The following MMD2 variants were observed in gnomAD, a reference collection of about 807,000 sequenced individuals.
MMD2 encodes monocyte to macrophage differentiation associated 2, also known as monocyte to macrophage differentiation factor 2.
Under a neutral mutation model 33.5 loss-of-function variants are expected in MMD2, and 30 were observed. The observed-to-expected ratio is 0.90, with a 90% CI of 0.67 to 1.22. The LOEUF (loss-of-function observed/expected upper bound fraction) is 1.22. Among genes scored for constraint, MMD2 ranks in the 50% most tolerant of loss-of-function variants. The pLI, the probability that MMD2 is intolerant of heterozygous loss-of-function variation, is 0.00. For synonymous variants in MMD2, 129 were observed against 123.0 expected, an observed-to-expected ratio of 1.05 and a Z score of -0.32; for missense variants, 364 against 325.4, an observed-to-expected ratio of 1.12 and a Z score of -0.91.
chr7:4,932,001 A>G (rs748700009), intron 1 of MMD2, among the ~76,000 whole-genome samples: 2 of 152,190 alleles, frequency 1.3e-5, no homozygotes, highest in African/African-American at 4.8e-5. Flanking sequence ...AAGGTGGGAA[A>G]CCTATTCTCC....
At chr7:4,909,680 C>A (rs749229244) in intron 6 of MMD2, 4 of 760,556 alleles carry the variant, frequency 5.3e-6, no homozygotes, top group Non-Finnish European at 9.3e-6. Context: ...AAACTATCCT[C>A]CCACCTCAGC....
chr7:4,945,722 G>T (rs1475701450), intron 1 of MMD2, among the ~76,000 whole-genome samples: 1 of 152,090 alleles, frequency 6.6e-6, no homozygotes. Flanking sequence ...TTACAGGTGT[G>T]CACCAACACA....
At chr7:4,925,201 A>T (rs1785391028) in intron 2 of MMD2, among the ~76,000 whole-genome samples, 1 of 151,982 alleles carries the variant, frequency 6.6e-6, no homozygotes, top group Non-Finnish European at 1.5e-5. Flanking sequence ...AAAGTGCTGG[A>T]ATTATAGGCA....
rs568364718 is a variant in MMD2 at position 4,911,769 on chromosome 7, C to T, written c.366-523G>A. Among the ~76,000 whole-genome samples, 14 of 152,168 alleles carry T rather than the reference C, an allele frequency of 9.2e-5. No homozygotes were observed. The South Asian group carries it at 2.5e-3, about 27-fold the overall frequency. ...GTTCAAGCGATTCTCCTGCCTCAGC[C>T]TCCTGAGTAGCTGGGATTACAGGCA... On this transcript the variant is annotated intron_variant, in intron 4 of 6. Coordinates refer to ENST00000401401, the MANE Select transcript of MMD2 (RefSeq NM_198403.4).
At chr7:4,910,054 AGT>A (rs776609720) in intron 5 of MMD2, 104 bp from the exon 6 acceptor site, 22 of 1,610,582 alleles carry the variant, frequency 1.4e-5, no homozygotes, top group Non-Finnish European at 1.9e-5. Flanking sequence ...TGGCCAGAAC[AGT>A]GAGAAGAAAG....
intron 1 of MMD2, among the ~76,000 whole-genome samples, chr7:4,952,481 G>A (rs1049959728): frequency 6.6e-6 from 1 of 152,180 alleles, no homozygotes. Context: ...GGCATAGGCC[G>A]GGCGGCCACT....
In MMD2 at chr7:4,925,473, G is replaced by A. The variant is rs778116678; in HGVS notation, c.107C>T (p.Ala36Val). The A allele has an allele frequency of 3.4e-5, 53 of 1,564,000 alleles. No individual in the cohort carries two copies. The Admixed American group carries it at 5.6e-4, about 16-fold the overall frequency. The change falls in exon 2 of 7, where the codon GCG (alanine) becomes GTG (valine). Residue 36 changes from alanine (A) to valine (V), a missense_variant. Transcript: ENST00000401401. ...CACAGCATGGGTGGCACAGTTGGCCGCATGTTCATACTCTGTGGGCTGGTA... is the reference window on the plus strand; with the variant it reads ...CACAGCATGGGTGGCACAGTTGGCCACATGTTCATACTCTGTGGGCTGGTA... ...KRYQPTEYEH[A>V]ANCATHAFWI...
chr7:4,922,328 G>C (rs1785308530), intron 2 of MMD2, among the ~76,000 whole-genome samples: 1 of 152,070 alleles, frequency 6.6e-6, no homozygotes, highest in Non-Finnish European at 1.5e-5. Flanking sequence ...CCAGCACTTT[G>C]GGAGGCTGAA....
intron 2 of MMD2, among the ~76,000 whole-genome samples, chr7:4,920,688 TCCTCCCTCCCTCCCTC>T (rs138036120): frequency 3.4e-5 from 3 of 87,806 alleles, no homozygotes; most frequent in South Asian, 5.1e-4. Context: ...CCTCCCTCTC[TCCTCCCTCCCTCCCTC>T]CCTCCCTCCC....
intron 1 of MMD2, among the ~76,000 whole-genome samples, chr7:4,947,268 C>T (rs1200687287): frequency 6.6e-6 from 1 of 152,026 alleles, no homozygotes; most frequent in Admixed American, 6.6e-5. Flanking sequence ...GCAGGCTGTA[C>T]AGGAAGCATG....
chr7:4,930,549 C>T (rs1785553224), intron 1 of MMD2, among the ~76,000 whole-genome samples: 2 of 151,238 alleles, frequency 1.3e-5, no homozygotes, highest in Admixed American at 1.3e-4. Context: ...GAGGCTGAGG[C>T]AGGAGAATCG....
intron 1 of MMD2, among the ~76,000 whole-genome samples, chr7:4,933,374 T>C (rs1228146385): frequency 6.6e-6 from 1 of 152,094 alleles, no homozygotes; most frequent in East Asian, 1.9e-4. Context: ...TAAAACAAAA[T>C]GTATTGAAGG....
In MMD2 at chr7:4,946,079, GCACA is replaced by G. The variant is rs1786069688; in HGVS notation, c.47+12888_47+12891del. 6.6e-6 allele frequency among the ~76,000 whole-genome samples: 1 copy of G among 150,988 alleles called. No individual in the cohort carries two copies. The highest frequency in any genetic ancestry group is 6.6e-5 in the Admixed American group (1 of 15,124). On this transcript the variant is annotated intron_variant, in intron 1 of 6. Coordinates refer to ENST00000401401, the MANE Select transcript of MMD2 (RefSeq NM_198403.4). The surrounding 1 kb of genome is among the most constrained non-coding windows in gnomAD (Gnocchi z 5.0). ...GCAAAATGCACACACTCACACGCAC[GCACA>G]CGCACGCACACACACGCATGCACAC...
intron 1 of MMD2, among the ~76,000 whole-genome samples, chr7:4,931,876 A>G (rs1023238812): frequency 6.6e-6 from 1 of 152,104 alleles, no homozygotes; most frequent in Non-Finnish European, 1.5e-5. Context: ...CACAGTATTC[A>G]TTTAGAGAGA....
chr7:4,917,608 C>T (rs1475113582), intron 3 of MMD2, among the ~76,000 whole-genome samples: 1 of 151,854 alleles, frequency 6.6e-6, no homozygotes, highest in Non-Finnish European at 1.5e-5. Context: ...AGGAGAATGG[C>T]ATGAACCTGG....
chr7:4,912,386 G>A (rs888746375), intron 4 of MMD2, among the ~76,000 whole-genome samples: 4 of 151,664 alleles, frequency 2.6e-5, no homozygotes, highest in South Asian at 2.1e-4. Context: ...GTGAAACCCC[G>A]TCTCTACTAA....
At position 4,906,662 on chromosome 7, in the gene MMD2, C is replaced by T. The variant is rs777306259; in HGVS notation, c.*734G>A. The T allele has an allele frequency of 2.8e-5, 11 of 397,546 alleles. No homozygotes were observed. Among genetic ancestry groups the T allele is most frequent in the Non-Finnish European group, 4.4e-5 (10 of 225,692 alleles). 24.6% of individuals were successfully genotyped at this position (397,546 alleles called of 1,614,324 possible). ...CGCCTCAGTTTCCCTCTACCGCCCC[C>T]AAACTGCCTACTCCAGGAGTTTCCC... On this transcript the variant is annotated 3_prime_UTR_variant, in exon 7 of 7. Coordinates refer to ENST00000401401, the MANE Select transcript of MMD2 (RefSeq NM_198403.4).
At chr7:4,920,862 C>A (rs1003751282) in intron 2 of MMD2, among the ~76,000 whole-genome samples, 5 of 151,828 alleles carry the variant, frequency 3.3e-5, no homozygotes, top group Non-Finnish European at 5.9e-5. Context: ...GGACTACAGG[C>A]ACCCACCACC....
At chr7:4,935,059 A>G (rs570983396) in intron 1 of MMD2, among the ~76,000 whole-genome samples, 12 of 152,140 alleles carry the variant, frequency 7.9e-5, no homozygotes, top group Non-Finnish European at 1.6e-4. Context: ...GGTGGCGCAC[A>G]CCTGTAATTC....
Sources: gnomAD v4.1 joint callset for allele counts (sites outside exome capture counted in the v4.1 genomes callset) on GRCh38, gnomAD v4.1.1 for gene constraint, Gnocchi (gnomAD v3.1) non-coding constraint, MANE v1.5 for transcripts, NCBI Gene and HGNC (gene_info 2026-07-23, HGNC 2026-07-21) for gene names.